The following CSTF3 variants were observed in gnomAD, a reference collection of about 807,000 sequenced individuals.
CSTF3 encodes CF-1 77 kDa subunit.
In CSTF3, 29 loss-of-function variants were observed where a neutral mutation model predicts 105.8. The observed-to-expected ratio is 0.27, with a 90% CI of 0.20 to 0.37. The LOEUF (loss-of-function observed/expected upper bound fraction) is 0.37. CSTF3 is among the 10% of genes least tolerant of loss of function. The pLI is 1.00. For missense variants in CSTF3, 357 were observed against 879.3 expected (o/e 0.41, Z 7.51); for synonymous variants, 252 against 281.9 (o/e 0.89, Z 1.06).
chr11:33,123,927 A>ATATGT (rs1855518730), intron 3 of CSTF3, among the ~76,000 whole-genome samples: 1 of 152,010 alleles, frequency 6.6e-6, no homozygotes, highest in Non-Finnish European at 1.5e-5. Flanking sequence ...TATGAATATA[A>ATATGT]ATACACATAT....
rs111882607 is a variant in CSTF3, at chr11:33,100,132, G to A, written c.827-415C>T. Reference sequence around the variant, plus strand: ...AGCACTCTGGGAGGCCAAGGCAGGCGGATCATAAGGTCAGGAGATCGAGAC... The same window carrying A: ...AGCACTCTGGGAGGCCAAGGCAGGCAGATCATAAGGTCAGGAGATCGAGAC... On this transcript the variant is annotated intron_variant, in intron 10 of 20. Transcript: ENST00000323959. Among the ~76,000 whole-genome samples the A allele has an allele frequency of 5.3e-3, 813 of 152,136 alleles. 6 individuals are homozygous for A. Among genetic ancestry groups the A allele is most frequent in the Non-Finnish European group, 9.3e-3 (630 of 67,990 alleles).
At chr11:33,136,121 G>A (rs1855650682) in intron 3 of CSTF3, 1 of 152,384 alleles carries the variant, frequency 6.6e-6, no homozygotes, top group South Asian at 2.1e-4. Context: ...CCCACATTAT[G>A]CTTTCCTGAG....
At position 33,108,020 on chromosome 11, in the gene CSTF3, T is replaced by C; in HGVS notation, c.259-20A>G. ...AAATAGCTTTAAATACAAGAATATATTATCAGAATCCAGTTAAATAAATTT... is the reference window on the plus strand; with the variant it reads ...AAATAGCTTTAAATACAAGAATATACTATCAGAATCCAGTTAAATAAATTT... On this transcript the variant is annotated intron_variant, in intron 4 of 20. Transcript: ENST00000323959. The C allele has an allele frequency of 6.9e-7, 1 of 1,458,396 alleles. No individual in the cohort carries two copies. Among genetic ancestry groups the C allele is most frequent in the Admixed American group, 1.9e-5 (1 of 53,610 alleles). The allele number at this position is 1,458,396 out of a possible 1,614,324, so 90.3% of individuals were successfully genotyped here.
rs1433525240 is a variant in CSTF3 at position 33,084,969 on chromosome 11, C to T, written c.*118G>A. 1.9e-6 allele frequency: 2 copies of T among 1,068,992 alleles called. No individual in the cohort carries two copies. Among genetic ancestry groups the T allele is most frequent in the South Asian group, 2.7e-5 (2 of 74,606 alleles). The allele number at this position is 1,068,992 out of a possible 1,614,324, so 66.2% of individuals were successfully genotyped here. On this transcript the variant is annotated 3_prime_UTR_variant, in exon 21 of 21. Transcript: ENST00000323959. ...CTCAAGAACCATGTGATAGAGGCACCAATGACAATACAACTTTGTTTCCAA... is the reference window on the plus strand; with the variant it reads ...CTCAAGAACCATGTGATAGAGGCACTAATGACAATACAACTTTGTTTCCAA...
At chr11:33,122,007 GAGGA>G (rs1855494357) in intron 3 of CSTF3, among the ~76,000 whole-genome samples, 1 of 152,174 alleles carries the variant, frequency 6.6e-6, no homozygotes, top group Non-Finnish European at 1.5e-5. Context: ...ACCTAAACCT[GAGGA>G]AGGAAAGGAG....
chr11:33,141,433 C>T (rs996515480), intron 3 of CSTF3: 3 of 1,274,734 alleles, frequency 2.4e-6, no homozygotes, highest in Non-Finnish European at 3.0e-6. Flanking sequence ...CACTCCAATA[C>T]CATTGAAACT....
intron 1 of CSTF3, among the ~76,000 whole-genome samples, chr11:33,142,857 C>T (rs1323574106): frequency 6.6e-6 from 1 of 152,174 alleles, no homozygotes; most frequent in Non-Finnish European, 1.5e-5. Context: ...CTTCTGTATT[C>T]AATCTGCTGC....
Position 33,114,046 on chromosome 11 carries a change from C to CGTATCTTTT in CSTF3, c.226-5637_226-5629dup, listed in dbSNP as rs1855407170. Among the ~76,000 whole-genome samples, 5 of 152,266 alleles carry CGTATCTTTT rather than the reference C, an allele frequency of 3.3e-5. 1 individual carries two copies. Among genetic ancestry groups the CGTATCTTTT allele is most frequent in the African/African-American group, 1.2e-4 (5 of 41,556 alleles). On this transcript the variant is annotated intron_variant, in intron 3 of 20. Coordinates refer to ENST00000323959, the MANE Select transcript of CSTF3 (RefSeq NM_001326.3). Reference sequence around the variant, plus strand: ...TTTCCCAAGCATTAATTGGTCATCACGTATCTTTTGGAACTAAAACTATCC... The same window carrying CGTATCTTTT: ...TTTCCCAAGCATTAATTGGTCATCACGTATCTTTTGTATCTTTTGGAACTAAAACTATCC...
intron 3 of CSTF3, among the ~76,000 whole-genome samples, chr11:33,120,106 T>C (rs1855472022): frequency 6.6e-6 from 1 of 151,554 alleles, no homozygotes; most frequent in East Asian, 1.9e-4. Context: ...TGTAAAAATA[T>C]TGAAATAAAA....
intron 10 of CSTF3, 117 bp downstream of exon 10, chr11:33,102,060 G>A: frequency 1.5e-6 from 1 of 689,194 alleles, no homozygotes; most frequent in Non-Finnish European, 2.4e-6. Context: ...AGGAATTATT[G>A]AATCTGAAGA....
intron 3 of CSTF3, among the ~76,000 whole-genome samples, chr11:33,135,356 T>A (rs1311734095): frequency 6.6e-6 from 1 of 152,114 alleles, no homozygotes; most frequent in South Asian, 2.1e-4. Flanking sequence ...ATAGGAAATA[T>A]TCTGCAAACT....
intron 1 of CSTF3, among the ~76,000 whole-genome samples, chr11:33,157,004 C>CA (rs1849874670): frequency 6.6e-6 from 1 of 151,926 alleles, no homozygotes; most frequent in Non-Finnish European, 1.5e-5. Flanking sequence ...GAGTAGTGCA[C>CA]AAGGTTAAAT....
intron 3 of CSTF3, among the ~76,000 whole-genome samples, chr11:33,131,981 G>A (rs1055463170): frequency 3.3e-5 from 5 of 152,134 alleles, no homozygotes; most frequent in African/African-American, 1.2e-4. Flanking sequence ...AGCATTTATT[G>A]AGCCTATGTA....
intron 3 of CSTF3, 92 bp from the exon 4 acceptor site, chr11:33,108,510 C>T (rs1855348422): frequency 2.0e-6 from 2 of 980,074 alleles, no homozygotes; most frequent in Non-Finnish European, 1.4e-6. Context: ...TTTGCAAATT[C>T]ATCCCTATAG....
At chr11:33,107,178 G>A (rs565705525) in intron 5 of CSTF3, among the ~76,000 whole-genome samples, 1 of 152,124 alleles carries the variant, frequency 6.6e-6, no homozygotes, top group East Asian at 1.9e-4. Flanking sequence ...TCAGCCAGGT[G>A]TGGTGGCTCT....
At chr11:33,085,830 T>A in intron 19 of CSTF3, 57 bp from the exon 20 acceptor site, 1 of 1,584,800 alleles carries the variant, frequency 6.3e-7, no homozygotes, top group Non-Finnish European at 8.7e-7. Flanking sequence ...AAAGTAGTAG[T>A]AACTTTATAC....
intron 1 of CSTF3, chr11:33,144,835 C>T: frequency 5.6e-6 from 1 of 177,462 alleles, no homozygotes. Flanking sequence ...CAAAAATTAG[C>T]CAGGTGTGTG....
intron 16 of CSTF3, among the ~76,000 whole-genome samples, chr11:33,091,069 A>G (rs1855164393): frequency 6.6e-6 from 1 of 152,182 alleles, no homozygotes; most frequent in Non-Finnish European, 1.5e-5. Context: ...GACTTACCTT[A>G]GAGAGGATAA....
intron 1 of CSTF3, among the ~76,000 whole-genome samples, chr11:33,154,793 C>A (rs375576748): frequency 2.0e-5 from 3 of 152,070 alleles, no homozygotes; most frequent in Admixed American, 2.0e-4. Context: ...GCCACGGTGC[C>A]GTGCTGAGAC....
Sources: allele counts gnomAD v4.1 joint callset (sites outside exome capture counted in the v4.1 genomes callset), GRCh38; gene constraint gnomAD v4.1.1; transcripts MANE v1.5; gene names NCBI Gene and HGNC (gene_info 2026-07-23, HGNC 2026-07-21).